MTA3: variants seen among roughly 807,000 people sequenced by gnomAD.
The protein encoded by MTA3 is metastasis associated 1 family member 3, also known as metastasis-associated protein MTA3.
In MTA3, 34 loss-of-function variants were observed where a neutral mutation model predicts 83.5. The ratio of observed to expected loss-of-function variants is 0.41; its 90% confidence interval spans 0.31 to 0.54. The LOEUF (loss-of-function observed/expected upper bound fraction) is 0.54. MTA3 is among the 20% of genes least tolerant of loss of function. MTA3 has a pLI of 0.33. For synonymous variants in MTA3, 303 were observed against 252.7 expected, an observed-to-expected ratio of 1.20 and a Z score of -1.89; for missense variants, 761 against 726.4, an observed-to-expected ratio of 1.05 and a Z score of -0.55.
chr2:42,502,383 G>A (rs1674435411), intron 2 of MTA3, among the ~76,000 whole-genome samples: 1 of 152,190 alleles, frequency 6.6e-6, no homozygotes, highest in Non-Finnish European at 1.5e-5. Context: ...GGATGTGTTT[G>A]GTGGAGGTAC....
chr2:42,528,416 C>T (rs989217833), intron 2 of MTA3, among the ~76,000 whole-genome samples: 5 of 151,444 alleles, frequency 3.3e-5, no homozygotes, highest in East Asian at 1.9e-4. Context: ...GATGGAGTTT[C>T]GTCATGTTGG....
At chr2:42,514,310 CTATT>C (rs1191876513) in intron 2 of MTA3, among the ~76,000 whole-genome samples, 1 of 152,188 alleles carries the variant, frequency 6.6e-6, no homozygotes, top group Non-Finnish European at 1.5e-5. Flanking sequence ...TGTTAGCTCA[CTATT>C]TATATGATGC....
intron 3 of MTA3, among the ~76,000 whole-genome samples, chr2:42,582,801 G>A (rs1309296472): frequency 6.6e-6 from 1 of 152,114 alleles, no homozygotes; most frequent in Admixed American, 6.6e-5. Flanking sequence ...TAGCCTGTTG[G>A]TATTAACTCG....
At chr2:42,731,456 C>G (rs1445662573) in intron 16 of MTA3, among the ~76,000 whole-genome samples, 1 of 152,116 alleles carries the variant, frequency 6.6e-6, no homozygotes, top group Non-Finnish European at 1.5e-5. Flanking sequence ...GCCAAAGGCA[C>G]TTTTTACATG....
intron 2 of MTA3, among the ~76,000 whole-genome samples, chr2:42,519,055 A>T (rs551373347): frequency 6.7e-6 from 1 of 150,328 alleles, no homozygotes; most frequent in East Asian, 2.0e-4. Flanking sequence ...AAGGTGGGGG[A>T]AGAGTAACTA....
At chr2:42,701,422 CAAAAAA>C (rs139663615) in intron 11 of MTA3, among the ~76,000 whole-genome samples, 5 of 117,028 alleles carry the variant, frequency 4.3e-5, no homozygotes, top group South Asian at 2.8e-4. Context: ...CTGTATCTAT[CAAAAAA>C]AAAAAAAAAA....
At chr2:42,657,862 G>T (rs1474860208) in intron 7 of MTA3, among the ~76,000 whole-genome samples, 3 of 151,334 alleles carry the variant, frequency 2.0e-5, no homozygotes, top group Non-Finnish European at 4.4e-5. Flanking sequence ...CTTAGGTCAG[G>T]AGGTCAAGAC....
At chr2:42,684,627 A>G (rs1692215309) in intron 9 of MTA3, among the ~76,000 whole-genome samples, 1 of 152,102 alleles carries the variant, frequency 6.6e-6, no homozygotes, top group African/African-American at 2.4e-5. Context: ...AAACCTAACA[A>G]ATCAAATCTA....
intron 2 of MTA3, among the ~76,000 whole-genome samples, chr2:42,573,327 G>A (rs943068748): frequency 1.3e-5 from 2 of 152,098 alleles, no homozygotes; most frequent in Non-Finnish European, 2.9e-5. Context: ...AATATCCCAG[G>A]GAATTTGCAT....
chr2:42,635,706 G>C (rs1687124758), intron 4 of MTA3, among the ~76,000 whole-genome samples: 1 of 152,078 alleles, frequency 6.6e-6, no homozygotes, highest in Non-Finnish European at 1.5e-5. Flanking sequence ...CTTTAATGAA[G>C]CAATAATACT....
chr2:42,688,473 T>A (rs1255526032), intron 9 of MTA3, among the ~76,000 whole-genome samples: 1 of 152,236 alleles, frequency 6.6e-6, no homozygotes, highest in Non-Finnish European at 1.5e-5. Context: ...TGAAGACTAA[T>A]GATAAGCCTC....
intron 4 of MTA3, among the ~76,000 whole-genome samples, chr2:42,621,737 C>A (rs184399278): frequency 6.7e-6 from 1 of 149,980 alleles, no homozygotes. Flanking sequence ...ACTTCTCAGA[C>A]GGGGCGGCTG....
chr2:42,640,695 C>T (rs575903497), intron 5 of MTA3, among the ~76,000 whole-genome samples: 1 of 152,054 alleles, frequency 6.6e-6, no homozygotes, highest in African/African-American at 2.4e-5. Flanking sequence ...TAAACCTCAA[C>T]AAGAAATGTA....
Position 42,570,329 on chromosome 2 carries a change from AT to A in MTA3, c.29-106del, listed in dbSNP as rs1678325606. The A allele has an allele frequency of 8.3e-6, 5 of 600,194 alleles. No individual in the cohort carries two copies. The South Asian group carries it at 1.5e-4, about 18-fold the overall frequency. The allele number at this position is 600,194 out of a possible 1,614,324, so 37.2% of individuals were successfully genotyped here. ...TATGTTTGCTTTTACCAGTGAATGA[AT>A]TATGAGCTTAATTTCAAACGTGAAA... is the stretch of plus-strand genomic sequence containing the variant. On this transcript the variant is annotated intron_variant, in intron 1 of 16. Coordinates refer to ENST00000405094, the MANE Select transcript of MTA3 (RefSeq NM_001330442.2).
chr2:42,671,191 A>C (rs1690760668), intron 8 of MTA3, among the ~76,000 whole-genome samples: 1 of 152,106 alleles, frequency 6.6e-6, no homozygotes, highest in South Asian at 2.1e-4. Context: ...AATTAGAATA[A>C]ATTTTTGTTC....
chr2:42,755,200 C>G lies in MTA3; in HGVS notation c.*1801C>G. 3 of 985,504 alleles carry G rather than the reference C, an allele frequency of 3.0e-6. No homozygotes were observed. The highest frequency in any genetic ancestry group is 9.4e-5 in the South Asian group (2 of 21,282). The allele number at this position is 985,504 out of a possible 1,614,324, so 61.0% of individuals were successfully genotyped here. A position where few individuals can be genotyped will look rare whatever the true frequency, so the allele number is the denominator to read the frequency against. ...GAAAGCTGTCTGTCTGTACCCTGCT[C>G]TGGATTTATTGTCGTACTTGGACCC... is the stretch of plus-strand genomic sequence containing the variant. On this transcript the variant is annotated 3_prime_UTR_variant, in exon 17 of 17. Coordinates refer to ENST00000405094, the MANE Select transcript of MTA3 (RefSeq NM_001330442.2).
At chr2:42,621,993 C>G (rs1460005570) in intron 4 of MTA3, among the ~76,000 whole-genome samples, 19 of 152,272 alleles carry the variant, frequency 1.2e-4, no homozygotes, top group Middle Eastern at 3.4e-3. Flanking sequence ...CCTCACTTCC[C>G]AGACGGGGTG....
At chr2:42,682,032 C>T (rs1691979581) in intron 8 of MTA3, among the ~76,000 whole-genome samples, 1 of 151,874 alleles carries the variant, frequency 6.6e-6, no homozygotes, top group African/African-American at 2.4e-5. Flanking sequence ...CATAGCGAGA[C>T]CCCCATCTCT....
intron 6 of MTA3, among the ~76,000 whole-genome samples, chr2:42,645,057 T>C (rs1688044214): frequency 6.6e-6 from 1 of 150,698 alleles, no homozygotes. Flanking sequence ...CAAGATAGGC[T>C]AAAAGCCACG....
Sources: gnomAD v4.1 joint callset for allele counts (sites outside exome capture counted in the v4.1 genomes callset) on GRCh38, gnomAD v4.1.1 for gene constraint, MANE v1.5 for transcripts, NCBI Gene and HGNC (gene_info 2026-07-23, HGNC 2026-07-21) for gene names.